The following HYOU1 variants were observed in gnomAD, a reference collection of about 807,000 sequenced individuals.
HYOU1 encodes hypoxia up-regulated 1.
In HYOU1, 40 loss-of-function variants were observed where a neutral mutation model predicts 120.5. That is an observed-to-expected ratio of 0.33 (90% confidence interval 0.26 to 0.43). The LOEUF (loss-of-function observed/expected upper bound fraction) is 0.43, where lower values mean the gene tolerates loss of function less well. Ranked by LOEUF, HYOU1 falls within the 20% of genes least tolerant of loss-of-function variation. The pLI, the probability that HYOU1 is intolerant of heterozygous loss-of-function variation, is 1.00. For synonymous variants in HYOU1, 501 were observed against 479.4 expected, an observed-to-expected ratio of 1.05 and a Z score of -0.59; for missense variants, 1,085 against 1,278.3, an observed-to-expected ratio of 0.85 and a Z score of 2.31.
intron 16 of HYOU1, 36 bp from the exon 17 acceptor site, chr11:119,049,239 G>C (rs1944266982): frequency 3.8e-6 from 6 of 1,590,832 alleles, no homozygotes; most frequent in Admixed American, 3.5e-5. Context: ...GGAACGATCA[G>C]GAGCAGAGCC....
In HYOU1 at chr11:119,054,692, A is replaced by G. The variant is rs1287177070; in HGVS notation, c.497-17T>C. ...TGGGCTGCTCTACAGATGACAACAG[A>G]AAAGGGTCCCGCCGGCTCCATACCT... On this transcript the variant is annotated splice_polypyrimidine_tract_variant and intron_variant, in intron 6 of 25. Transcript: ENST00000617285. 8 of 1,605,574 alleles carry G rather than the reference A, an allele frequency of 5.0e-6. No individual in the cohort carries two copies. Among genetic ancestry groups the G allele is most frequent in the Non-Finnish European group, 6.8e-6 (8 of 1,177,542 alleles).
rs2133566401 is a variant in HYOU1 at position 119,048,684 on chromosome 11, T to TAC, written c.2165+28_2165+29dup. On this transcript the variant is annotated intron_variant, in intron 18 of 25. Transcript: ENST00000617285. This position sits in a 1 kb window ranked among gnomAD's most constrained non-coding sequence, Gnocchi z 4.7. ...ATCCTGCCCACCTTGCACACACATG[T>TAC]ACACACACACACCAGCTGTCCTCAC... The TAC allele has an allele frequency of 1.2e-5, 19 of 1,605,524 alleles. No individual in the cohort carries two copies. The highest frequency in any genetic ancestry group is 2.2e-5 in the East Asian group (1 of 44,808).
At position 119,056,134 on chromosome 11, in the gene HYOU1, C is replaced by G. The variant is rs373744967; in HGVS notation, c.27G>C (p.Arg9Ser). 1.1e-5 allele frequency: 18 copies of G among 1,613,938 alleles called. No homozygotes were observed. Among genetic ancestry groups the G allele is most frequent in the Non-Finnish European group, 1.5e-5 (18 of 1,180,034 alleles). The change falls in exon 2 of 26, where the codon AGG becomes AGC. Residue 9 changes from arginine to serine, a missense_variant. Physicochemically the swap from Arg to Ser is moderately radical, Grantham distance 110. Around this residue, in one of 4 missense-constraint regions of HYOU1, gnomAD observed 45 missense variants for 49.2 expected, o/e 0.91. Coordinates refer to ENST00000617285, the MANE Select transcript of HYOU1 (RefSeq NM_006389.5). Reference sequence around the variant, plus strand: ...AGGCCCAACAGACTCGCCTCCTCGGCCTCTGCCTCCTAACTTTGTCTGCCA... The same window carrying G: ...AGGCCCAACAGACTCGCCTCCTCGGGCTCTGCCTCCTAACTTTGTCTGCCA... MADKVRRQ[R>S]PRRRVCWALV...
intron 1 of HYOU1, 41 bp from the exon 2 acceptor site, chr11:119,056,208 C>T (rs531962222): frequency 7.2e-7 from 1 of 1,392,082 alleles, no homozygotes; most frequent in Non-Finnish European, 1.0e-6. Flanking sequence ...AACTGGATAC[C>T]CGGAGTGAAG....
At chr11:119,049,997 T>G (rs1367865782) in intron 14 of HYOU1, among the ~76,000 whole-genome samples, 160 bp from the exon 15 acceptor site, 1 of 152,230 alleles carries the variant, frequency 6.6e-6, no homozygotes, top group African/African-American at 2.4e-5. Flanking sequence ...CCCATCTCCT[T>G]TGATTAAGAG....
rs2133613533 is a variant in HYOU1, at chr11:119,055,471, G to C, written c.264+22C>G. On this transcript the variant is annotated intron_variant, in intron 4 of 25. Coordinates refer to ENST00000617285, the MANE Select transcript of HYOU1 (RefSeq NM_006389.5). The surrounding 1 kb of genome is among the most constrained non-coding windows in gnomAD (Gnocchi z 4.0). ...CTCCTCTCCTCTGCCCACCACTCTGGGAAGAGGGACTGCTAGCTCACCATG... is the reference window on the plus strand; with the variant it reads ...CTCCTCTCCTCTGCCCACCACTCTGCGAAGAGGGACTGCTAGCTCACCATG... The C allele has an allele frequency of 3.7e-6, 6 of 1,612,538 alleles. No individual in the cohort carries two copies. The highest frequency in any genetic ancestry group is 4.2e-6 in the Non-Finnish European group (5 of 1,178,838).
In HYOU1 at chr11:119,048,581, G is replaced by A. The variant is rs987838110; in HGVS notation, c.2166-18C>T. ...CCTGAAGTCTATGGGACAAAGGAGG[G>A]GTAGGGATGAGGGAGAGGGCAAGTG... On this transcript the variant is annotated intron_variant, in intron 18 of 25. Coordinates refer to ENST00000617285, the MANE Select transcript of HYOU1 (RefSeq NM_006389.5). This position sits in a 1 kb window ranked among gnomAD's most constrained non-coding sequence, Gnocchi z 4.7. The A allele has an allele frequency of 1.2e-6, 2 of 1,613,092 alleles. No homozygotes were observed. The highest frequency in any genetic ancestry group is 1.3e-5 in the African/African-American group (1 of 74,984).
At chr11:119,049,347 T>C in intron 16 of HYOU1, 144 bp from the exon 17 acceptor site, 1 of 1,553,598 alleles carries the variant, frequency 6.4e-7, no homozygotes, top group South Asian at 1.2e-5. Flanking sequence ...ACTGTGGCAA[T>C]CTAGCTGGAC....
intron 7 of HYOU1, 36 bp from the exon 8 acceptor site, chr11:119,054,272 TC>T: frequency 6.5e-7 from 1 of 1,547,314 alleles, no homozygotes; most frequent in Non-Finnish European, 8.9e-7. Context: ...ACAGGAACCT[TC>T]TCAAACTCCA....
rs1381004185 is a variant in HYOU1 at position 119,045,270 on chromosome 11, C to T, written c.*323G>A. On this transcript the variant is annotated 3_prime_UTR_variant, in exon 26 of 26. Coordinates refer to ENST00000617285, the MANE Select transcript of HYOU1 (RefSeq NM_006389.5). Reference sequence around the variant, plus strand: ...CCTTCCCATCACCGGGACCCATCAGCCACTGGCAGCCATTCTCTTCCTACC... The same window carrying T: ...CCTTCCCATCACCGGGACCCATCAGTCACTGGCAGCCATTCTCTTCCTACC... 2 of 518,708 alleles carry T rather than the reference C, an allele frequency of 3.9e-6. No individual in the cohort carries two copies. The highest frequency in any genetic ancestry group is 9.4e-5 in the East Asian group (2 of 21,372). The allele number at this position is 518,708 out of a possible 1,614,324, so 32.1% of individuals were successfully genotyped here.
In HYOU1 at chr11:119,052,033, A is replaced by G; in HGVS notation, c.1205+57T>C. 1.9e-6 allele frequency: 3 copies of G among 1,613,690 alleles called. No individual in the cohort carries two copies. The highest frequency in any genetic ancestry group is 1.1e-5 in the South Asian group (1 of 91,070). On this transcript the variant is annotated intron_variant, in intron 11 of 25. Coordinates refer to ENST00000617285, the MANE Select transcript of HYOU1 (RefSeq NM_006389.5). This position sits in a 1 kb window ranked among gnomAD's most constrained non-coding sequence, Gnocchi z 5.0. ...CCTCCCCTCAGCCCTCCAGCTGCTC[A>G]GCCCAAAGCCCTGCCCCAGGCAGAA...
rs2133596931 is a variant in HYOU1 at position 119,052,969 on chromosome 11, C to T, written c.795-140G>A. The T allele has an allele frequency of 1.4e-6, 1 of 735,892 alleles. No homozygotes were observed. The highest frequency in any genetic ancestry group is 1.8e-5 in the African/African-American group (1 of 56,368). The allele number at this position is 735,892 out of a possible 1,614,324, so 45.6% of individuals were successfully genotyped here. ...ATCTCCAGTGCCCCATGTGTGGACA[C>T]ACACTCTGCCCTCAACTCTCTACAG... On this transcript the variant is annotated intron_variant, in intron 8 of 25. Coordinates refer to ENST00000617285, the MANE Select transcript of HYOU1 (RefSeq NM_006389.5). This position sits in a 1 kb window ranked among gnomAD's most constrained non-coding sequence, Gnocchi z 5.0.
intron 14 of HYOU1, 82 bp from the exon 15 acceptor site, chr11:119,049,919 T>A: frequency 8.2e-7 from 1 of 1,223,464 alleles, no homozygotes; most frequent in Non-Finnish European, 1.2e-6. Flanking sequence ...GGTGTTTGCT[T>A]ATGCACACTC....
At position 119,051,335 on chromosome 11, in the gene HYOU1, C is replaced by T; in HGVS notation, c.1526+103G>A. 1 of 1,488,768 alleles carries T rather than the reference C, an allele frequency of 6.7e-7. No individual in the cohort carries two copies. The highest frequency in any genetic ancestry group is 9.2e-7 in the Non-Finnish European group (1 of 1,085,764). The allele number at this position is 1,488,768 out of a possible 1,614,324, so 92.2% of individuals were successfully genotyped here. Reference sequence around the variant, plus strand: ...GAAGCTGATCATAGCTGCCCTGTTTCAGCCCCGCAGGCCCACATCCTCCCT... The same window carrying T: ...GAAGCTGATCATAGCTGCCCTGTTTTAGCCCCGCAGGCCCACATCCTCCCT... On this transcript the variant is annotated intron_variant, in intron 13 of 25. Coordinates refer to ENST00000617285, the MANE Select transcript of HYOU1 (RefSeq NM_006389.5). This position sits in a 1 kb window ranked among gnomAD's most constrained non-coding sequence, Gnocchi z 4.2.
chr11:119,056,460 C>T (rs1342841583), intron 1 of HYOU1: 8 of 497,386 alleles, frequency 1.6e-5, no homozygotes, highest in Non-Finnish European at 3.1e-5. Flanking sequence ...TTTTGTCCAC[C>T]ACACAGGCAG....
At position 119,051,226 on chromosome 11, in the gene HYOU1, C is replaced by A. The variant is rs1488583151; in HGVS notation, c.1527-53G>T. The stretch of plus-strand genomic sequence containing the variant: ...GGGGACCCACCCCAGCCCATCTCGC[C>A]CTCTAGACTACATGGCCTCCTGGCA... On this transcript the variant is annotated intron_variant, in intron 13 of 25. Coordinates refer to ENST00000617285, the MANE Select transcript of HYOU1 (RefSeq NM_006389.5). This position sits in a 1 kb window ranked among gnomAD's most constrained non-coding sequence, Gnocchi z 4.2. The A allele has an allele frequency of 6.2e-7, 1 of 1,606,952 alleles. No homozygotes were observed. Among genetic ancestry groups the A allele is most frequent in the Non-Finnish European group, 8.5e-7 (1 of 1,175,672 alleles).
intron 6 of HYOU1, 121 bp from the exon 7 acceptor site, chr11:119,054,796 G>T: frequency 8.6e-7 from 1 of 1,157,812 alleles, no homozygotes; most frequent in Non-Finnish European, 1.2e-6. Context: ...CCTGTGCACT[G>T]TAGGATGTTG....
rs192533210 is a variant in HYOU1 at position 119,050,027 on chromosome 11, C to T, written c.1666-190G>A. Among the ~76,000 whole-genome samples the T allele has an allele frequency of 3.0e-3, 455 of 152,308 alleles. 3 individuals carry two copies. The highest frequency in any genetic ancestry group is 0.01 in the African/African-American group (432 of 41,570). ...TAAGAGCCCTCCATGAATAGGGTCC[C>T]AGCTCCTCTTTCTCCAAAGAGCCCC... On this transcript the variant is annotated intron_variant, in intron 14 of 25. Coordinates refer to ENST00000617285, the MANE Select transcript of HYOU1 (RefSeq NM_006389.5).
In HYOU1 at chr11:119,045,619, G is replaced by T; in HGVS notation, c.2974C>A (p.Arg992=). 6.2e-7 allele frequency: 1 copy of T among 1,614,222 alleles called. No individual in the cohort carries two copies. The highest frequency in any genetic ancestry group is 8.5e-7 in the Non-Finnish European group (1 of 1,180,030). Residue 992 remains arginine (R), a synonymous_variant, in exon 26 of 26, where the codon CGG becomes AGG. Transcript: ENST00000617285. The part of the protein sequence containing the change: ...EQKEQSTGQK[R]PLKNDEL The stretch of plus-strand genomic sequence containing the variant: ...TATAGTTCGTCGTTCTTCAAAGGCC[G>T]CTTCTGTCCTGTCGATTGTTCTTTC...
Sources: allele counts gnomAD v4.1 joint callset (sites outside exome capture counted in the v4.1 genomes callset), GRCh38; gene constraint gnomAD v4.1.1; regional missense constraint gnomAD v4.1.1; non-coding constraint Gnocchi (gnomAD v3.1); transcripts MANE v1.5; gene names NCBI Gene and HGNC (gene_info 2026-07-23, HGNC 2026-07-21).